Variants in NUP210 observed in about 807,000 individuals in gnomAD.
NUP210 encodes nucleoporin 210, also known as nuclear pore membrane glycoprotein 210.
In NUP210, 151 loss-of-function variants were observed where a neutral mutation model predicts 196.0. That is an observed-to-expected ratio of 0.77 (90% CI 0.67 to 0.88). The LOEUF is 0.88. Ranked by LOEUF, NUP210 falls within the 40% of genes least tolerant of loss-of-function variation. The pLI is 0.00. For synonymous variants in NUP210, 1,070 were observed against 1,052.7 expected (o/e 1.02, Z -0.32); for missense variants, 2,314 against 2,493.7 (o/e 0.93, Z 1.53).
In NUP210 at chr3:13,348,900, A is replaced by G; in HGVS notation, c.2835+2979T>C. The G allele has an allele frequency of 1.0e-6, 1 of 985,388 alleles. No individual in the cohort carries two copies. The highest frequency in any genetic ancestry group is 1.2e-6 in the Non-Finnish European group (1 of 829,864). The allele number at this position is 985,388 out of a possible 1,614,324, so 61.0% of individuals were successfully genotyped here. On this transcript the variant is annotated intron_variant, in intron 20 of 39. Transcript: ENST00000254508. The surrounding 1 kb of genome is among the most constrained non-coding windows in gnomAD (Gnocchi z 4.0). ...AAACACCAAACAAAAAAACTGAATT[A>G]AAAAACTTATTAAACAGGGGGTGTT...
rs116640881 is a variant in NUP210, at chr3:13,398,534, C to T, written c.305-1046G>A. On this transcript the variant is annotated intron_variant, in intron 2 of 39. Coordinates refer to ENST00000254508, the MANE Select transcript of NUP210 (RefSeq NM_024923.4). Reference sequence around the variant, plus strand: ...TTCTAATTTGTTCTCTATATAAAAACATTTATTTTTATATGTAACACTGAA... The same window carrying T: ...TTCTAATTTGTTCTCTATATAAAAATATTTATTTTTATATGTAACACTGAA... Among the ~76,000 whole-genome samples the T allele has an allele frequency of 3.2e-3, 489 of 152,294 alleles. 3 individuals are homozygous for T. The highest frequency in any genetic ancestry group is 0.012 in the African/African-American group (478 of 41,554).
intron 11 of NUP210, 77 bp from the exon 12 acceptor site, chr3:13,373,950 G>A: frequency 2.0e-6 from 3 of 1,513,644 alleles, no homozygotes; most frequent in Non-Finnish European, 1.8e-6. Flanking sequence ...AGAGACACGT[G>A]CGTGTGCATG....
At position 13,340,095 on chromosome 3, in the gene NUP210, A is replaced by C. The variant is rs573433691; in HGVS notation, c.3292-62T>G. ...TCATGCCAGGCAGCCCGCACCTCCCACTCAGAGAGCCAGGGCCCCAGTGCA... is the reference window on the plus strand; with the variant it reads ...TCATGCCAGGCAGCCCGCACCTCCCCCTCAGAGAGCCAGGGCCCCAGTGCA... On this transcript the variant is annotated intron_variant, in intron 24 of 39. Transcript: ENST00000254508. The surrounding 1 kb of genome is among the most constrained non-coding windows in gnomAD (Gnocchi z 4.0). 1.7e-3 allele frequency: 2,758 copies of C among 1,601,332 alleles called. 6 individuals carry two copies. The highest frequency in any genetic ancestry group is 5.9e-3 in the Middle Eastern group (35 of 5,946).
chr3:13,387,222 T>C (rs2124930793), intron 5 of NUP210, among the ~76,000 whole-genome samples: 1 of 152,384 alleles, frequency 6.6e-6, no homozygotes, highest in African/African-American at 2.4e-5. Flanking sequence ...CTGTCACAAC[T>C]GACAGCTTTC....
At chr3:13,395,475 G>T (rs1035564264) in intron 3 of NUP210, among the ~76,000 whole-genome samples, 1 of 152,062 alleles carries the variant, frequency 6.6e-6, no homozygotes, top group Admixed American at 6.5e-5. Context: ...GCGCCACCAC[G>T]CCTGGCTTAT....
intron 1 of NUP210, among the ~76,000 whole-genome samples, chr3:13,405,556 T>A (rs1699978894): frequency 6.6e-6 from 1 of 152,144 alleles, no homozygotes; most frequent in African/African-American, 2.4e-5. Flanking sequence ...AATATATGCA[T>A]ATGAGCTATA....
intron 8 of NUP210, among the ~76,000 whole-genome samples, chr3:13,378,165 C>T (rs1421844303): frequency 6.6e-6 from 1 of 152,012 alleles, no homozygotes; most frequent in Non-Finnish European, 1.5e-5. Context: ...AGCAGGCCTA[C>T]GCTCTGAACC....
rs1264724043 is a variant in NUP210, at chr3:13,366,068, G to T, written c.1810C>A (p.His604Asn). The T allele has an allele frequency of 1.2e-6, 2 of 1,613,914 alleles. No homozygotes were observed. Among genetic ancestry groups the T allele is most frequent in the African/African-American group, 2.7e-5 (2 of 74,956 alleles). ...LPGRLPPGSEHCSGIRVKAEA... is the reference protein window; with the variant it reads ...LPGRLPPGSENCSGIRVKAEA... ...GCCTTTACCCGGATGCCGCTGCAGT[G>T]CTCAGAGCCTGGCGGCAGCCTCCCT... Residue 604 changes from histidine to asparagine, a missense_variant, in exon 14 of 40, where the codon CAC becomes AAC. By Grantham distance (68) the His-to-Asn change is moderately conservative. Coordinates refer to ENST00000254508, the MANE Select transcript of NUP210 (RefSeq NM_024923.4).
chr3:13,417,594 A>T (rs1219723985), intron 1 of NUP210, among the ~76,000 whole-genome samples: 1 of 152,262 alleles, frequency 6.6e-6, no homozygotes, highest in Non-Finnish European at 1.5e-5. Flanking sequence ...TCAAAACTGC[A>T]GCAATAGACG....
intron 39 of NUP210, among the ~76,000 whole-genome samples, chr3:13,318,425 C>T (rs547299542): frequency 3.9e-5 from 6 of 152,310 alleles, no homozygotes; most frequent in South Asian, 2.1e-4. Flanking sequence ...CAAAAAAATT[C>T]AGGGACCCCC....
intron 14 of NUP210, among the ~76,000 whole-genome samples, chr3:13,365,210 A>G (rs559427329): frequency 9.2e-5 from 14 of 152,210 alleles, no homozygotes; most frequent in Non-Finnish European, 1.8e-4. Flanking sequence ...ATCCGTGTAT[A>G]ATAACTAACC....
In NUP210 at chr3:13,379,186, A is replaced by G. The variant is rs1486529736; in HGVS notation, c.977-206T>C. Among the ~76,000 whole-genome samples, 1 of 152,180 alleles carries G rather than the reference A, an allele frequency of 6.6e-6. No individual in the cohort carries two copies. Among genetic ancestry groups the G allele is most frequent in the African/African-American group, 2.4e-5 (1 of 41,438 alleles). Reference sequence around the variant, plus strand: ...TGCGCTTGCCACACTAGCAAAGGGGAATCTCTGTGAGGGACACTGGAGACC... The same window carrying G: ...TGCGCTTGCCACACTAGCAAAGGGGGATCTCTGTGAGGGACACTGGAGACC... On this transcript the variant is annotated intron_variant, in intron 7 of 39. Transcript: ENST00000254508. This position sits in a 1 kb window ranked among gnomAD's most constrained non-coding sequence, Gnocchi z 4.2.
In NUP210 at chr3:13,319,188, G is replaced by A. The variant is rs752771864; in HGVS notation, c.5480-33C>T. ...AGCACAGGGTTGGTTAGAGCAGGTC[G>A]GGGCAGGGGAACAGACCCAGAGATA... On this transcript the variant is annotated intron_variant, in intron 38 of 39. Coordinates refer to ENST00000254508, the MANE Select transcript of NUP210 (RefSeq NM_024923.4). 2.9e-5 allele frequency: 46 copies of A among 1,611,098 alleles called. No individual in the cohort carries two copies. The South Asian group carries it at 3.8e-4, about 13-fold the overall frequency.
chr3:13,320,733 T>TA (rs1162011566), intron 36 of NUP210, among the ~76,000 whole-genome samples: 7 of 131,688 alleles, frequency 5.3e-5, no homozygotes, highest in Non-Finnish European at 6.4e-5. Context: ...CCGTCTCTAC[T>TA]AAAAAAAAAT....
At position 13,323,999 on chromosome 3, in the gene NUP210, G is replaced by A. The variant is rs1242131518; in HGVS notation, c.4645-567C>T. 6.6e-6 allele frequency among the ~76,000 whole-genome samples: 1 copy of A among 152,146 alleles called. No individual in the cohort carries two copies. Among genetic ancestry groups the A allele is most frequent in the Non-Finnish European group, 1.5e-5 (1 of 68,022 alleles). On this transcript the variant is annotated intron_variant, in intron 33 of 39. Transcript: ENST00000254508. This position sits in a 1 kb window ranked among gnomAD's most constrained non-coding sequence, Gnocchi z 4.3. Reference sequence around the variant, plus strand: ...CCTCCCTCTCTCAGCAGGCACCAGCGCTCCCTGCCTCCAGGAGATCTGATT... The same window carrying A: ...CCTCCCTCTCTCAGCAGGCACCAGCACTCCCTGCCTCCAGGAGATCTGATT...
At chr3:13,338,059 C>T (rs1489258160) in intron 25 of NUP210, 142 bp from the exon 26 acceptor site, 2 of 739,154 alleles carry the variant, frequency 2.7e-6, no homozygotes, top group Non-Finnish European at 4.4e-6. Flanking sequence ...CCATGCTCCT[C>T]TGCCGAGGGA....
chr3:13,345,995 A>C (rs1327514262), intron 20 of NUP210, among the ~76,000 whole-genome samples: 1 of 152,236 alleles, frequency 6.6e-6, no homozygotes, highest in Non-Finnish European at 1.5e-5. Flanking sequence ...AGCCCCACGC[A>C]GGGCAACACA....
chr3:13,409,100 G>A (rs1004752469), intron 1 of NUP210, among the ~76,000 whole-genome samples: 3 of 152,194 alleles, frequency 2.0e-5, no homozygotes, highest in Admixed American at 2.0e-4. Context: ...GCTGTCAACA[G>A]GCAAGCAGCT....
rs139408687 is a variant in NUP210 at position 13,359,723 on chromosome 3, C to T, written c.2154+547G>A. On this transcript the variant is annotated intron_variant, in intron 15 of 39. Transcript: ENST00000254508. Reference sequence around the variant, plus strand: ...GGGGAAGGAGTGTCAGGCCCCAAGGCGCCTGAACAGCAAGAAGCCCTCCAG... The same window carrying T: ...GGGGAAGGAGTGTCAGGCCCCAAGGTGCCTGAACAGCAAGAAGCCCTCCAG... 3.3e-3 allele frequency among the ~76,000 whole-genome samples: 499 copies of T among 152,268 alleles called. 5 individuals are homozygous for T. Among genetic ancestry groups the T allele is most frequent in the African/African-American group, 0.012 (488 of 41,546 alleles).
Sources: gnomAD v4.1 joint callset for allele counts (sites outside exome capture counted in the v4.1 genomes callset) on GRCh38, gnomAD v4.1.1 for gene constraint, Gnocchi (gnomAD v3.1) non-coding constraint, MANE v1.5 for transcripts, NCBI Gene and HGNC (gene_info 2026-07-23, HGNC 2026-07-21) for gene names.